GLIPR1L2: variants seen among roughly 807,000 people sequenced by gnomAD.
GLIPR1L2 encodes the protein GLIPR1-like protein 2.
In GLIPR1L2, 21 loss-of-function variants were observed where a neutral mutation model predicts 28.4. That is an observed-to-expected ratio of 0.74 (90% CI 0.52 to 1.06). GLIPR1L2 has a LOEUF of 1.06. Among genes scored for constraint, GLIPR1L2 ranks in the 50% least tolerant of loss-of-function variants. The pLI is 0.00. For missense variants in GLIPR1L2, 476 were observed against 416.9 expected, an observed-to-expected ratio of 1.14 and a Z score of -1.23; for synonymous variants, 145 against 139.3, an observed-to-expected ratio of 1.04 and a Z score of -0.29.
chr12:75,393,553 G>A (rs1296611130), intron 1 of GLIPR1L2, among the ~76,000 whole-genome samples: 1 of 152,030 alleles, frequency 6.6e-6, no homozygotes, highest in East Asian at 1.9e-4. Context: ...GTTCACCCAT[G>A]TTGTAGCATG....
At chr12:75,424,772 A>C (rs951171565) in intron 4 of GLIPR1L2, among the ~76,000 whole-genome samples, 5 of 152,174 alleles carry the variant, frequency 3.3e-5, no homozygotes, top group African/African-American at 1.2e-4. Context: ...CAGTTTTACT[A>C]TAACACCATT....
chr12:75,393,886 C>T (rs557577853), intron 1 of GLIPR1L2, among the ~76,000 whole-genome samples: 3 of 152,178 alleles, frequency 2.0e-5, no homozygotes, highest in South Asian at 4.1e-4. Flanking sequence ...AATTTCTCCA[C>T]ATCCTTGATA....
intron 1 of GLIPR1L2, chr12:75,403,060 G>A (rs994176810): frequency 1.8e-5 from 8 of 457,006 alleles, no homozygotes; most frequent in Admixed American, 4.7e-5. Flanking sequence ...TTCATCATTG[G>A]ATTTCCAAAC....
rs1469232793 is a variant in GLIPR1L2, at chr12:75,431,858, AAAAT to A, written c.*706_*709del. 2.6e-5 allele frequency: 4 copies of A among 152,098 alleles called. No individual in the cohort carries two copies. The highest frequency in any genetic ancestry group is 1.3e-4 in the Admixed American group (2 of 15,276). 9.4% of individuals were successfully genotyped at this position (152,098 alleles called of 1,614,324 possible). On this transcript the variant is annotated 3_prime_UTR_variant, in exon 6 of 6. Coordinates refer to ENST00000550916, the MANE Select transcript of GLIPR1L2 (RefSeq NM_001270396.2). Reference sequence around the variant, plus strand: ...CTGGGTGCTTCCAAATTTATATGATAAAATAAATAAATTTTTTAAAAACTATTAA... The same window carrying A: ...CTGGGTGCTTCCAAATTTATATGATAAAATAAATTTTTTAAAAACTATTAA...
At chr12:75,393,429 C>G (rs1480690959) in intron 1 of GLIPR1L2, among the ~76,000 whole-genome samples, 1 of 152,022 alleles carries the variant, frequency 6.6e-6, no homozygotes, top group East Asian at 1.9e-4. Context: ...GCCTCTATCA[C>G]CATTCTACTT....
chr12:75,394,948 T>C (rs1255392395), intron 1 of GLIPR1L2, among the ~76,000 whole-genome samples: 1 of 151,902 alleles, frequency 6.6e-6, no homozygotes, highest in Non-Finnish European at 1.5e-5. Flanking sequence ...AGTATATATG[T>C]TTTTCCCTCT....
In GLIPR1L2 at chr12:75,410,495, A is replaced by C; in HGVS notation, c.296A>C (p.His99Pro). ...RAWGKKCLFT[H>P]NIYLQDVQMV... Reference sequence around the variant, plus strand: ...TGGGGAAAAAAATGTTTGTTTACGCATAATATTTATTTACAAGATGTACAA... The same window carrying C: ...TGGGGAAAAAAATGTTTGTTTACGCCTAATATTTATTTACAAGATGTACAA... Residue 99 changes from histidine (H) to proline (P), a missense_variant, in exon 2 of 6, where the codon CAT (histidine) becomes CCT (proline). His to Pro is a moderately conservative substitution (Grantham distance 77). Transcript: ENST00000550916. 1 of 1,611,028 alleles carries C rather than the reference A, an allele frequency of 6.2e-7. No homozygotes were observed. Among genetic ancestry groups the C allele is most frequent in the Non-Finnish European group, 8.5e-7 (1 of 1,178,160 alleles).
chr12:75,396,932 A>T (rs1275911038), intron 1 of GLIPR1L2, among the ~76,000 whole-genome samples: 1 of 152,112 alleles, frequency 6.6e-6, no homozygotes, highest in Non-Finnish European at 1.5e-5. Context: ...CTAAGCATGC[A>T]TTTATTTTTA....
chr12:75,410,498 A>G lies in GLIPR1L2; in HGVS notation c.299A>G (p.Asn100Ser), dbSNP rs770555542. 3.7e-6 allele frequency: 6 copies of G among 1,611,136 alleles called. No homozygotes were observed. Among genetic ancestry groups the G allele is most frequent in the Non-Finnish European group, 5.1e-6 (6 of 1,178,272 alleles). Residue 100 changes from asparagine (N) to serine (S), a missense_variant, in exon 2 of 6, where the codon AAT (asparagine) becomes AGT (serine). Physicochemically the swap from Asn to Ser is conservative, Grantham distance 46. Transcript: ENST00000550916. ...AWGKKCLFTH[N>S]IYLQDVQMVH... Reference sequence around the variant, plus strand: ...GGAAAAAAATGTTTGTTTACGCATAATATTTATTTACAAGATGTACAAATG... The same window carrying G: ...GGAAAAAAATGTTTGTTTACGCATAGTATTTATTTACAAGATGTACAAATG...
At chr12:75,393,351 C>T (rs912030952) in intron 1 of GLIPR1L2, among the ~76,000 whole-genome samples, 1 of 152,002 alleles carries the variant, frequency 6.6e-6, no homozygotes, top group African/African-American at 2.4e-5. Flanking sequence ...AAAATTTTTT[C>T]GTCTTCCTGA....
Position 75,398,546 on chromosome 12 carries a change from C to T in GLIPR1L2, c.234+7196C>T, listed in dbSNP as rs991122224. On this transcript the variant is annotated intron_variant, in intron 1 of 5. Transcript: ENST00000550916. ...CTTACATTCTTGGATGCTAGGAGCA[C>T]AGAATCCCTCCCTTCTTTTTCTGAG... Among the ~76,000 whole-genome samples, 15 of 152,194 alleles carry T rather than the reference C, an allele frequency of 9.9e-5. No individual in the cohort carries two copies. In the East Asian group the frequency reaches 2.5e-3, roughly 25 times the overall value.
At chr12:75,429,475 T>A (rs751360602) in intron 4 of GLIPR1L2, among the ~76,000 whole-genome samples, 1 of 152,210 alleles carries the variant, frequency 6.6e-6, no homozygotes, top group African/African-American at 2.4e-5. Flanking sequence ...TGGAAGGGAC[T>A]TGTCTTGTCT....
In GLIPR1L2 at chr12:75,422,931, A is replaced by G. The variant is rs1594028527; in HGVS notation, c.612A>G (p.Glu204=). The change falls in exon 4 of 6, where the codon GAA becomes GAG. Residue 204 remains glutamate, a synonymous_variant. Coordinates refer to ENST00000550916, the MANE Select transcript of GLIPR1L2 (RefSeq NM_001270396.2). ...GAACACTGACGAGAAGACCTTATGA[A>G]CCAGGAATATTTTGTACTCGATGTG... ...PGGTLTRRPY[E]PGIFCTRCGR... 6.2e-7 allele frequency: 1 copy of G among 1,611,996 alleles called. No individual in the cohort carries two copies. The highest frequency in any genetic ancestry group is 2.2e-5 in the East Asian group (1 of 44,744).
intron 1 of GLIPR1L2, among the ~76,000 whole-genome samples, chr12:75,399,996 C>T (rs1018543201): frequency 2.0e-5 from 3 of 152,078 alleles, no homozygotes; most frequent in African/African-American, 7.2e-5. Context: ...TTAATATTAA[C>T]AAATTATTGG....
At chr12:75,416,525 G>T (rs1018299533) in intron 3 of GLIPR1L2, among the ~76,000 whole-genome samples, 2 of 152,108 alleles carry the variant, frequency 1.3e-5, no homozygotes, top group Admixed American at 6.6e-5. Flanking sequence ...CCAAAAACCT[G>T]CTGGTAAGGT....
intron 3 of GLIPR1L2, among the ~76,000 whole-genome samples, chr12:75,420,539 A>C (rs1207003176): frequency 6.6e-6 from 1 of 152,162 alleles, no homozygotes; most frequent in East Asian, 1.9e-4. Flanking sequence ...AAAGTTCTAG[A>C]AGACTATGTT....
At chr12:75,429,938 C>CTTTTTTTTTTTTTTTTT (rs34354324) in intron 4 of GLIPR1L2, among the ~76,000 whole-genome samples, 1 of 128,656 alleles carries the variant, frequency 7.8e-6, no homozygotes, top group Non-Finnish European at 1.6e-5. Flanking sequence ...TCTTTTCTTT[C>CTTTTTTTTTTTTTTTTT]TTTTTTTTTT....
At chr12:75,409,127 C>T (rs141097000) in intron 1 of GLIPR1L2, among the ~76,000 whole-genome samples, 151 of 151,864 alleles carry the variant, frequency 9.9e-4, no homozygotes, top group Middle Eastern at 3.4e-3. Context: ...AATTCTTCTG[C>T]GATTTTTTTT....
intron 4 of GLIPR1L2, among the ~76,000 whole-genome samples, 171 bp from the exon 5 acceptor site, chr12:75,430,544 C>T (rs1317052747): frequency 6.6e-5 from 10 of 152,162 alleles, no homozygotes; most frequent in African/African-American, 2.4e-4. Flanking sequence ...AGGCTGATTT[C>T]ACTAAAAGAG....
Sources: gnomAD v4.1 joint callset for allele counts (sites outside exome capture counted in the v4.1 genomes callset) on GRCh38, gnomAD v4.1.1 for gene constraint, MANE v1.5 for transcripts, NCBI Gene and HGNC (gene_info 2026-07-23, HGNC 2026-07-21) for gene names.